MAST4: variants seen among roughly 807,000 people sequenced by gnomAD.
MAST4 encodes microtubule associated serine/threonine kinase family member 4, also known as microtubule-associated serine/threonine-protein kinase 4.
A neutral mutation model predicts 162.7 loss-of-function variants in MAST4; 89 were observed. The ratio of observed to expected loss-of-function variants is 0.55; its 90% CI spans 0.46 to 0.65. MAST4 has a LOEUF of 0.65. MAST4 is among the 30% of genes least tolerant of loss of function. MAST4 has a pLI of 0.00. For missense variants in MAST4, 3,153 were observed against 3,374.0 expected, an observed-to-expected ratio of 0.93 and a Z score of 1.62; for synonymous variants, 1,479 against 1,361.1, an observed-to-expected ratio of 1.09 and a Z score of -1.91.
intron 2 of MAST4, among the ~76,000 whole-genome samples, chr5:66,769,913 C>T (rs776904159): frequency 6.6e-6 from 1 of 152,214 alleles, no homozygotes; most frequent in African/African-American, 2.4e-5. Flanking sequence ...AGAATTTACA[C>T]TTAAGGTTTT....
At chr5:66,991,808 A>T (rs1750091908) in intron 4 of MAST4, among the ~76,000 whole-genome samples, 2 of 152,312 alleles carry the variant, frequency 1.3e-5, no homozygotes, top group South Asian at 4.1e-4. Flanking sequence ...AGCCCCAGGC[A>T]GTTTATGGTT....
chr5:67,151,853 G>A (rs531867757), intron 24 of MAST4, among the ~76,000 whole-genome samples: 2 of 143,590 alleles, frequency 1.4e-5, no homozygotes, highest in South Asian at 2.2e-4. Flanking sequence ...CTGCAGCCTC[G>A]ACCTCCCAGG....
intron 14 of MAST4, among the ~76,000 whole-genome samples, chr5:67,125,561 G>A (rs186630965): frequency 8.2e-4 from 125 of 152,192 alleles, no homozygotes; most frequent in African/African-American, 2.8e-3. Context: ...CTTCATCCAT[G>A]TCCCTGTAAA....
intron 5 of MAST4, among the ~76,000 whole-genome samples, chr5:67,069,313 A>ATATATATATATATATAT (rs1230619144): frequency 0.021 from 1,327 of 64,622 alleles, 33 homozygotes; most frequent in Non-Finnish European, 0.027. Flanking sequence ...TATATATATA[A>ATATATATATATATATAT]AATTTTAAAA....
Position 66,848,693 on chromosome 5 carries a change from C to A in MAST4, c.643-51258C>A, listed in dbSNP as rs77307122. ...GGATGTATGGAACAGAAAATCCCGC[C>A]TAGTGATTTTTTAAAATTCTCTATT... On this transcript the variant is annotated intron_variant, in intron 3 of 28. Transcript: ENST00000403625. Among the ~76,000 whole-genome samples the A allele has an allele frequency of 1.4e-3, 206 of 152,296 alleles. 5 individuals carry two copies. In the East Asian group the frequency reaches 0.032, roughly 24 times the overall value.
At chr5:67,100,986 T>A (rs886088623) in intron 8 of MAST4, among the ~76,000 whole-genome samples, 1 of 152,208 alleles carries the variant, frequency 6.6e-6, no homozygotes, top group African/African-American at 2.4e-5. Context: ...TTACAAAATA[T>A]CTTTGTTCTT....
chr5:66,993,024 G>C (rs139989647), intron 4 of MAST4, among the ~76,000 whole-genome samples: 7 of 152,166 alleles, frequency 4.6e-5, no homozygotes, highest in Non-Finnish European at 1.0e-4. Flanking sequence ...TTTTAGAGAA[G>C]ACAAACTACA....
intron 7 of MAST4, among the ~76,000 whole-genome samples, chr5:67,097,328 TA>T (rs1764579307): frequency 6.6e-6 from 1 of 152,170 alleles, no homozygotes; most frequent in South Asian, 2.1e-4. Flanking sequence ...TTGGCTCATT[TA>T]ATCTTAGCAA....
intron 3 of MAST4, among the ~76,000 whole-genome samples, chr5:66,885,531 C>T (rs1646534135): frequency 6.6e-6 from 1 of 152,104 alleles, no homozygotes; most frequent in Admixed American, 6.5e-5. Flanking sequence ...ATATGTTTAG[C>T]ATGTGGGTGG....
chr5:67,011,487 G>T (rs934013472), intron 4 of MAST4, among the ~76,000 whole-genome samples: 1 of 152,194 alleles, frequency 6.6e-6, no homozygotes, highest in Non-Finnish European at 1.5e-5. Context: ...CAGTCCTTCT[G>T]TCATTTCTAG....
At chr5:66,968,450 T>C (rs528852566) in intron 4 of MAST4, among the ~76,000 whole-genome samples, 17 of 152,350 alleles carry the variant, frequency 1.1e-4, no homozygotes, top group Admixed American at 5.2e-4. Flanking sequence ...GCCATGTTGC[T>C]GGTAGGATAT....
intron 4 of MAST4, among the ~76,000 whole-genome samples, chr5:66,949,892 T>G (rs573417667): frequency 1.1e-4 from 17 of 152,306 alleles, no homozygotes; most frequent in African/African-American, 3.6e-4. Context: ...TATAAATAAC[T>G]TTTTAAAAGA....
Position 66,851,726 on chromosome 5 carries a change from G to T in MAST4, c.643-48225G>T, listed in dbSNP as rs113370144. 9.4e-3 allele frequency among the ~76,000 whole-genome samples: 1,435 copies of T among 152,280 alleles called. 13 individuals carry two copies. Among genetic ancestry groups the T allele is most frequent in the Non-Finnish European group, 0.013 (853 of 68,030 alleles). On this transcript the variant is annotated intron_variant, in intron 3 of 28. Transcript: ENST00000403625. ...ACTTCTCTTAGTGGAGCCCCTATTT[G>T]TATCAGCGTTTCCTTGGTGCAGACT...
At chr5:66,953,141 C>A (rs1744897059) in intron 4 of MAST4, among the ~76,000 whole-genome samples, 1 of 152,162 alleles carries the variant, frequency 6.6e-6, no homozygotes, top group Admixed American at 6.5e-5. Context: ...CATTCACCTT[C>A]TTTGAAAGTT....
At chr5:66,988,201 T>A (rs2150267505) in intron 4 of MAST4, among the ~76,000 whole-genome samples, 1 of 152,186 alleles carries the variant, frequency 6.6e-6, no homozygotes, top group East Asian at 1.9e-4. Context: ...GAAAACGTGC[T>A]TCATCTCTCT....
intron 5 of MAST4, among the ~76,000 whole-genome samples, chr5:67,076,270 C>T (rs746071482): frequency 6.6e-6 from 1 of 152,178 alleles, no homozygotes; most frequent in Non-Finnish European, 1.5e-5. Context: ...CCTTGGATCA[C>T]ATTCTCTGTC....
At chr5:66,831,353 G>A (rs1296910482) in intron 3 of MAST4, among the ~76,000 whole-genome samples, 1 of 152,148 alleles carries the variant, frequency 6.6e-6, no homozygotes, top group Non-Finnish European at 1.5e-5. Flanking sequence ...GCATTGAATA[G>A]ATACATAGTA....
intron 2 of MAST4, among the ~76,000 whole-genome samples, chr5:66,761,560 C>A (rs1371788552): frequency 6.6e-6 from 1 of 150,412 alleles, no homozygotes; most frequent in Non-Finnish European, 1.5e-5. Context: ...TTGAATTACT[C>A]ATTTTTTTTT....
At chr5:66,917,989 A>G (rs2150034960) in intron 4 of MAST4, among the ~76,000 whole-genome samples, 1 of 152,232 alleles carries the variant, frequency 6.6e-6, no homozygotes, top group African/African-American at 2.4e-5. Flanking sequence ...AAAATTTAAT[A>G]TTTCTCAGTG....
Sources: gnomAD v4.1 joint callset for allele counts (sites outside exome capture counted in the v4.1 genomes callset) on GRCh38, gnomAD v4.1.1 for gene constraint, MANE v1.5 for transcripts, NCBI Gene and HGNC (gene_info 2026-07-23, HGNC 2026-07-21) for gene names.